The following EARS2 variants were observed in gnomAD, a reference collection of about 807,000 sequenced individuals.
EARS2 encodes the protein glutamyl-tRNA synthetase 2, mitochondrial, also known as nondiscriminating glutamyl-tRNA synthetase EARS2, mitochondrial.
EARS2 carries 50 observed loss-of-function variants against 54.1 expected under a neutral mutation model. That is an observed-to-expected ratio of 0.92 (90% CI 0.74 to 1.17). The LOEUF (loss-of-function observed/expected upper bound fraction) is 1.17, where lower values mean the gene tolerates loss of function less well. Among genes scored for constraint, EARS2 ranks in the 50% most tolerant of loss-of-function variants. The probability of loss-of-function intolerance (pLI) is 0.00; values close to 1 mark genes in which losing one functional copy is unlikely to be tolerated. For missense variants in EARS2, 673 were observed against 675.0 expected (o/e 1.00, Z 0.03); for synonymous variants, 298 against 281.0 (o/e 1.06, Z -0.61).
At chr16:23,542,007 C>T (rs535099002) in intron 3 of EARS2, among the ~76,000 whole-genome samples, 17 of 152,086 alleles carry the variant, frequency 1.1e-4, no homozygotes, top group African/African-American at 4.1e-4. Flanking sequence ...TATAGGCACC[C>T]GCCATCATGC....
chr16:23,529,395 G>A, intron 7 of EARS2, 107 bp downstream of exon 7: 1 of 1,393,810 alleles, frequency 7.2e-7, no homozygotes, highest in South Asian at 1.4e-5. Context: ...CACTGGCCAT[G>A]GAGTTGTGCT....
At chr16:23,533,660 C>G (rs759957053) in intron 4 of EARS2, among the ~76,000 whole-genome samples, 1 of 152,202 alleles carries the variant, frequency 6.6e-6, no homozygotes, top group East Asian at 1.9e-4. Flanking sequence ...CAGAACAGTA[C>G]GCCCATTGCC....
chr16:23,546,253 A>G (rs2142187299), intron 2 of EARS2: 2 of 386,334 alleles, frequency 5.2e-6, no homozygotes, highest in Middle Eastern at 7.4e-4. Flanking sequence ...ACAGGGACAC[A>G]AGAACTGGAA....
intron 3 of EARS2, among the ~76,000 whole-genome samples, chr16:23,539,835 T>C (rs373035997): frequency 2.0e-5 from 3 of 151,690 alleles, no homozygotes; most frequent in Non-Finnish European, 2.9e-5. Flanking sequence ...GGGAATTCCA[T>C]CTCTACAAAA....
intron 1 of EARS2, chr16:23,556,990 T>C (rs565115321): frequency 8.0e-6 from 6 of 752,590 alleles, no homozygotes; most frequent in South Asian, 4.6e-5. Flanking sequence ...TCGAAAGAGA[T>C]GGGATGGCAC....
At chr16:23,533,740 C>G (rs967182785) in intron 4 of EARS2, among the ~76,000 whole-genome samples, 10 of 152,090 alleles carry the variant, frequency 6.6e-5, no homozygotes, top group African/African-American at 9.7e-5. Flanking sequence ...AGCTTCCTAG[C>G]TGATTCCAAA....
rs1041441645 is a variant in EARS2 at position 23,546,234 on chromosome 16, G to A, written c.296-1531C>T. ...ATAAATTTCATTATGAATGCTTTCAGGAGAGGGCACAGGGACACAAGAACT... is the reference window on the plus strand; with the variant it reads ...ATAAATTTCATTATGAATGCTTTCAAGAGAGGGCACAGGGACACAAGAACT... On this transcript the variant is annotated intron_variant, in intron 2 of 8. Transcript: ENST00000449606. 3 of 363,778 alleles carry A rather than the reference G, an allele frequency of 8.2e-6. 1 individual carries two copies. The highest frequency in any genetic ancestry group is 7.4e-5 in the East Asian group (1 of 13,568). The allele number at this position is 363,778 out of a possible 1,614,324, so 22.5% of individuals were successfully genotyped here.
intron 3 of EARS2, among the ~76,000 whole-genome samples, chr16:23,540,728 G>A (rs917209923): frequency 1.3e-5 from 2 of 151,746 alleles, no homozygotes; most frequent in African/African-American, 4.8e-5. Context: ...GCCTGAGCTC[G>A]TCCTAGCACT....
chr16:23,552,192 C>T lies in EARS2; in HGVS notation c.252G>A (p.Val84=). ...CCTCAATATTCTCCGCTGCCCCAGG[C>T]ACAACGCGAGTCTGATCTGTGTCCT... is the stretch of plus-strand genomic sequence containing the variant. ...RLEDTDQTRV[V]PGAAENIEDM... The change falls in exon 2 of 9, where the codon GTG becomes GTA. Residue 84 remains valine, a synonymous_variant. Coordinates refer to ENST00000449606, the MANE Select transcript of EARS2 (RefSeq NM_001083614.2). The T allele has an allele frequency of 6.8e-6, 11 of 1,614,166 alleles. No individual in the cohort carries two copies. The highest frequency in any genetic ancestry group is 9.3e-6 in the Non-Finnish European group (11 of 1,180,000).
intron 2 of EARS2, among the ~76,000 whole-genome samples, chr16:23,547,268 T>A (rs764213953): frequency 8.2e-4 from 125 of 152,130 alleles, no homozygotes; most frequent in Non-Finnish European, 1.6e-3. Context: ...TATTATATGA[T>A]CTCATTCATA....
In EARS2 at chr16:23,521,539, C is replaced by T. The variant is rs2142154793; in HGVS notation, c.*2832G>A. Among the ~76,000 whole-genome samples the T allele has an allele frequency of 6.6e-6, 1 of 152,180 alleles. No homozygotes were observed. Among genetic ancestry groups the T allele is most frequent in the Admixed American group, 6.5e-5 (1 of 15,274 alleles). The stretch of plus-strand genomic sequence containing the variant: ...TTAGTCTCCCAAGTAGCTGGGACTA[C>T]AGGCATATGTCACCTCACCTGGCTA... On this transcript the variant is annotated 3_prime_UTR_variant, in exon 9 of 9. Transcript: ENST00000449606.
In EARS2 at chr16:23,521,797, C is replaced by T. The variant is rs117638360; in HGVS notation, c.*2574G>A. 4.0e-3 allele frequency: 1,797 copies of T among 454,122 alleles called. 6 individuals are homozygous for T. Among genetic ancestry groups the T allele is most frequent in the Non-Finnish European group, 5.9e-3 (1,344 of 226,330 alleles). 28.1% of individuals were successfully genotyped at this position (454,122 alleles called of 1,614,324 possible). A position where few individuals can be genotyped will look rare whatever the true frequency, so the allele number is the denominator to read the frequency against. ...CACTTTGTTAAAAACACTCACTTGA[C>T]CATGAGCCAAGAAGCTCCTTTTAAC... On this transcript the variant is annotated 3_prime_UTR_variant, in exon 9 of 9. Transcript: ENST00000449606.
intron 7 of EARS2, 145 bp from the exon 8 acceptor site, chr16:23,525,524 T>C (rs1965212798): frequency 4.2e-6 from 4 of 952,960 alleles, no homozygotes; most frequent in Admixed American, 2.8e-5. Flanking sequence ...GAGGAAGATA[T>C]TGACCACTTT....
intron 3 of EARS2, among the ~76,000 whole-genome samples, chr16:23,543,773 C>T (rs562234041): frequency 6.7e-6 from 1 of 150,076 alleles, no homozygotes; most frequent in Admixed American, 6.6e-5. Flanking sequence ...ACATTTGAAA[C>T]CTTTTGAGTG....
chr16:23,545,783 C>T (rs1375516363), intron 2 of EARS2, among the ~76,000 whole-genome samples: 2 of 152,190 alleles, frequency 1.3e-5, no homozygotes, highest in Admixed American at 6.5e-5. Context: ...CCTGCCTCAA[C>T]CTCCCGAGTA....
At chr16:23,526,200 C>A (rs1239665167) in intron 7 of EARS2, among the ~76,000 whole-genome samples, 1 of 147,548 alleles carries the variant, frequency 6.8e-6, no homozygotes, top group Admixed American at 6.9e-5. Context: ...GCAACCTCCA[C>A]GTTCCAGGTT....
chr16:23,540,326 T>A (rs568077104), intron 3 of EARS2, among the ~76,000 whole-genome samples: 1 of 152,116 alleles, frequency 6.6e-6, no homozygotes. Flanking sequence ...AGAAAAAAAA[T>A]ATTCTGTCAA....
intron 1 of EARS2, among the ~76,000 whole-genome samples, chr16:23,555,245 G>A (rs941284099): frequency 2.0e-5 from 3 of 152,040 alleles, no homozygotes; most frequent in African/African-American, 4.8e-5. Context: ...CAGCACTTTC[G>A]GAGGCCAAGG....
intron 3 of EARS2, among the ~76,000 whole-genome samples, chr16:23,541,868 T>TA (rs1202240973): frequency 6.6e-6 from 1 of 151,674 alleles, no homozygotes; most frequent in Non-Finnish European, 1.5e-5. Flanking sequence ...TAATTTTTTT[T>TA]TTTTTTTGGA....
Sources: allele counts gnomAD v4.1 joint callset (sites outside exome capture counted in the v4.1 genomes callset), GRCh38; gene constraint gnomAD v4.1.1; transcripts MANE v1.5; gene names NCBI Gene and HGNC (gene_info 2026-07-23, HGNC 2026-07-21).